Variants in ROR1 observed in about 807,000 individuals in gnomAD.
ROR1 encodes ROR family WNT receptor 1.
ROR1 carries 19 observed loss-of-function variants against 78.8 expected under a neutral mutation model. That is an observed-to-expected ratio of 0.24 (90% CI 0.17 to 0.35). The LOEUF (loss-of-function observed/expected upper bound fraction) is 0.35. Ranked by LOEUF, ROR1 falls within the 10% of genes least tolerant of loss-of-function variation. The pLI is 1.00. For missense variants in ROR1, 917 were observed against 1,177.8 expected, an observed-to-expected ratio of 0.78 and a Z score of 3.24; for synonymous variants, 386 against 433.6, an observed-to-expected ratio of 0.89 and a Z score of 1.36.
At chr1:63,922,653 A>G (rs1280601358) in intron 1 of ROR1, among the ~76,000 whole-genome samples, 1 of 152,136 alleles carries the variant, frequency 6.6e-6, no homozygotes, top group Non-Finnish European at 1.5e-5. Flanking sequence ...TGAAGACAGC[A>G]GGCTTTTTCT....
At chr1:64,061,950 G>T (rs139149798) in intron 4 of ROR1, among the ~76,000 whole-genome samples, 23 of 152,160 alleles carry the variant, frequency 1.5e-4, no homozygotes, top group African/African-American at 5.3e-4. Context: ...TTATCTGTCA[G>T]GCGCTTCTAT....
intron 4 of ROR1, among the ~76,000 whole-genome samples, chr1:64,127,776 G>T: frequency 6.6e-6 from 1 of 152,166 alleles, no homozygotes; most frequent in Non-Finnish European, 1.5e-5. Context: ...AGGAGAAAAA[G>T]AATAAACCAT....
At chr1:63,954,754 G>A (rs1040021089) in intron 1 of ROR1, among the ~76,000 whole-genome samples, 6 of 152,168 alleles carry the variant, frequency 3.9e-5, no homozygotes, top group Non-Finnish European at 8.8e-5. Flanking sequence ...ATGACTTAAA[G>A]TATATGGGAG....
chr1:64,151,652 C>A (rs1649625134), intron 7 of ROR1, among the ~76,000 whole-genome samples: 1 of 151,006 alleles, frequency 6.6e-6, no homozygotes, highest in Non-Finnish European at 1.5e-5. Flanking sequence ...GCGGGCAGAT[C>A]ATTTAAGGTC....
chr1:63,876,799 C>T (rs747488745), intron 1 of ROR1, among the ~76,000 whole-genome samples: 3 of 151,628 alleles, frequency 2.0e-5, no homozygotes, highest in Admixed American at 1.3e-4. Context: ...AATGAGGTTG[C>T]ACTACACAGC....
rs561668778 is a variant in ROR1, at chr1:63,907,548, G to A, written c.92-101757G>A. Among the ~76,000 whole-genome samples the A allele has an allele frequency of 7.9e-5, 12 of 152,266 alleles. No individual in the cohort carries two copies. The East Asian group carries it at 2.3e-3, about 29-fold the overall frequency. On this transcript the variant is annotated intron_variant, in intron 1 of 8. Transcript: ENST00000371079. ...TTGAGTAAGTCAGGCCATGTAGGTG[G>A]CTGGGCTGTGGTTTTCTCATATAAA...
chr1:63,811,231 GAAAGAA>G (rs967829367), intron 1 of ROR1, among the ~76,000 whole-genome samples: 10 of 152,294 alleles, frequency 6.6e-5, no homozygotes, highest in Middle Eastern at 3.4e-3. Context: ...CACACACAGA[GAAAGAA>G]ACATTTTTCA....
chr1:64,026,706 G>A (rs1194956996), intron 2 of ROR1, among the ~76,000 whole-genome samples: 7 of 152,082 alleles, frequency 4.6e-5, no homozygotes, highest in Non-Finnish European at 7.3e-5. Context: ...CTTACATGGC[G>A]GCATGTGAGA....
intron 1 of ROR1, among the ~76,000 whole-genome samples, chr1:63,779,523 G>T (rs140474027): frequency 2.5e-3 from 386 of 152,254 alleles, no homozygotes; most frequent in African/African-American, 8.5e-3. Context: ...GGAGTTGAAG[G>T]GGGAGGGGAT....
intron 4 of ROR1, among the ~76,000 whole-genome samples, chr1:64,122,116 T>A (rs912685532): frequency 6.6e-6 from 1 of 152,192 alleles, no homozygotes; most frequent in Non-Finnish European, 1.5e-5. Context: ...TGATTCTCTT[T>A]GTTTTGTCTG....
chr1:63,862,618 G>A lies in ROR1; in HGVS notation c.91+88110G>A, dbSNP rs114180531. On this transcript the variant is annotated intron_variant, in intron 1 of 8. Coordinates refer to ENST00000371079, the MANE Select transcript of ROR1 (RefSeq NM_005012.4). ...TAGGGAGAGATGACCAGGTTCCATG[G>A]CTCCTTGTTAATTTCACCTTCAAGC... 9.6e-3 allele frequency among the ~76,000 whole-genome samples: 1,467 copies of A among 152,024 alleles called. 15 individuals carry two copies. The highest frequency in any genetic ancestry group is 0.048 in the South Asian group (232 of 4,796).
At chr1:64,029,975 C>T (rs1002693172) in intron 2 of ROR1, among the ~76,000 whole-genome samples, 12 of 152,132 alleles carry the variant, frequency 7.9e-5, no homozygotes, top group African/African-American at 2.9e-4. Context: ...CCCATGAAGC[C>T]TTCTCTGGTT....
intron 1 of ROR1, among the ~76,000 whole-genome samples, chr1:63,851,435 A>C (rs1045353639): frequency 1.3e-5 from 2 of 152,158 alleles, no homozygotes; most frequent in Admixed American, 6.5e-5. Context: ...CTTAATTGGT[A>C]TTGAGAACAG....
chr1:64,092,149 C>T (rs1031675954), intron 4 of ROR1, among the ~76,000 whole-genome samples: 4 of 147,466 alleles, frequency 2.7e-5, no homozygotes, highest in African/African-American at 1.0e-4. Context: ...CCCTACCTCC[C>T]TTCCTCCCTT....
At position 64,142,423 on chromosome 1, in the gene ROR1, G is replaced by A. The variant is rs1649346127; in HGVS notation, c.947G>A (p.Ser316Asn). The A allele has an allele frequency of 1.2e-6, 2 of 1,614,100 alleles. No homozygotes were observed. The highest frequency in any genetic ancestry group is 1.7e-6 in the Non-Finnish European group (2 of 1,180,018). Reference sequence around the variant, plus strand: ...TTTTCAGATCACAAGTGTTATAACAGCACAGGTGTGGACTACCGGGGGACC... The same window carrying A: ...TTTTCAGATCACAAGTGTTATAACAACACAGGTGTGGACTACCGGGGGACC... ...PINKNHKCYN[S>N]TGVDYRGTVS... The change falls in exon 7 of 9, where the codon AGC becomes AAC. Residue 316 changes from serine (S) to asparagine (N), a missense_variant. Physicochemically the swap from Ser to Asn is conservative, Grantham distance 46. Coordinates refer to ENST00000371079, the MANE Select transcript of ROR1 (RefSeq NM_005012.4).
At chr1:63,869,318 C>T (rs1460588232) in intron 1 of ROR1, among the ~76,000 whole-genome samples, 1 of 152,178 alleles carries the variant, frequency 6.6e-6, no homozygotes, top group Non-Finnish European at 1.5e-5. Context: ...AGACACGCTG[C>T]TCCTCAGGGA....
At chr1:63,783,265 C>G (rs887205087) in intron 1 of ROR1, among the ~76,000 whole-genome samples, 27 of 152,120 alleles carry the variant, frequency 1.8e-4, no homozygotes, top group African/African-American at 6.5e-4. Flanking sequence ...TGTCTTTCTT[C>G]CCAAAGGGTG....
chr1:63,922,232 T>C (rs1454325574), intron 1 of ROR1, among the ~76,000 whole-genome samples: 1 of 152,204 alleles, frequency 6.6e-6, no homozygotes, highest in Non-Finnish European at 1.5e-5. Context: ...TTATTTTACT[T>C]AATCTTCACA....
chr1:63,863,593 A>G (rs1053371315), intron 1 of ROR1, among the ~76,000 whole-genome samples: 20 of 152,214 alleles, frequency 1.3e-4, no homozygotes, highest in African/African-American at 4.6e-4. Context: ...AAATGAAGGA[A>G]AGTGATTAAT....
Sources: gnomAD v4.1 joint callset for allele counts (sites outside exome capture counted in the v4.1 genomes callset) on GRCh38, gnomAD v4.1.1 for gene constraint, MANE v1.5 for transcripts, NCBI Gene and HGNC (gene_info 2026-07-23, HGNC 2026-07-21) for gene names.